CFTR: variants seen among roughly 807,000 people sequenced by gnomAD.
CFTR encodes the protein CF transmembrane conductance regulator, also known as cystic fibrosis transmembrane conductance regulator.
A neutral mutation model predicts 171.6 loss-of-function variants in CFTR; 181 were observed. The observed-to-expected ratio is 1.05, with a 90% confidence interval of 0.93 to 1.19. The LOEUF (loss-of-function observed/expected upper bound fraction) is 1.19, where lower values mean the gene tolerates loss of function less well. Ranked by LOEUF, CFTR falls within the 50% of genes most tolerant of loss-of-function variation. The pLI is 0.00. For missense variants in CFTR, 1,968 were observed against 1,734.7 expected (o/e 1.13, Z -2.39); for synonymous variants, 583 against 608.0 (o/e 0.96, Z 0.60).
chr7:117,622,721 G>T (rs1469992238), intron 21 of CFTR, among the ~76,000 whole-genome samples: 1 of 152,154 alleles, frequency 6.6e-6, no homozygotes, highest in East Asian at 1.9e-4. Context: ...CCAAAAGGAT[G>T]AAAGGAAATA....
chr7:117,602,926 C>A, intron 16 of CFTR, 63 bp downstream of exon 16: 4 of 1,342,816 alleles, frequency 3.0e-6, no homozygotes, highest in Non-Finnish European at 3.2e-6. Context: ...ATATTGTAAT[C>A]CACTATGTTT....
intron 10 of CFTR, among the ~76,000 whole-genome samples, chr7:117,550,629 A>G (rs1370090453): frequency 6.6e-6 from 1 of 152,218 alleles, no homozygotes; most frequent in African/African-American, 2.4e-5. Flanking sequence ...TGTTTCATAG[A>G]ATTTTTAAAA....
intron 26 of CFTR, among the ~76,000 whole-genome samples, chr7:117,665,903 C>T (rs994470959): frequency 6.6e-6 from 1 of 152,204 alleles, no homozygotes; most frequent in Non-Finnish European, 1.5e-5. Flanking sequence ...GTGATTCTTT[C>T]AATAACTAAA....
intron 1 of CFTR, among the ~76,000 whole-genome samples, chr7:117,491,581 T>A (rs1489610608): frequency 6.6e-6 from 1 of 152,028 alleles, no homozygotes; most frequent in Non-Finnish European, 1.5e-5. Flanking sequence ...TTGCTAGAAA[T>A]CCTTGGCATT....
At chr7:117,567,579 T>C (rs1345996611) in intron 11 of CFTR, among the ~76,000 whole-genome samples, 2 of 152,234 alleles carry the variant, frequency 1.3e-5, no homozygotes, top group African/African-American at 4.8e-5. Context: ...TTTCAATAAA[T>C]ATTTGTTGAG....
At chr7:117,605,194 G>A (rs1309779465) in intron 17 of CFTR, among the ~76,000 whole-genome samples, 1 of 151,964 alleles carries the variant, frequency 6.6e-6, no homozygotes, top group Non-Finnish European at 1.5e-5. Flanking sequence ...GTTCATAGTT[G>A]GTTCCAAACC....
chr7:117,567,284 A>G (rs1791617833), intron 11 of CFTR, among the ~76,000 whole-genome samples: 1 of 152,214 alleles, frequency 6.6e-6, no homozygotes. Context: ...TACCTTAGAC[A>G]TAGAAGGAAC....
intron 23 of CFTR, among the ~76,000 whole-genome samples, chr7:117,646,482 G>A (rs752310377): frequency 4.6e-5 from 7 of 152,114 alleles, no homozygotes; most frequent in Admixed American, 3.3e-4. Flanking sequence ...GTACTAAGAT[G>A]AGAACTAGAA....
In CFTR at chr7:117,535,373, T is replaced by G. The variant is rs762380161; in HGVS notation, c.705T>G (p.Leu235=). Residue 235 remains leucine (L), a synonymous_variant, in exon 6 of 27, where the codon CTT becomes CTG. Transcript: ENST00000003084. The part of the protein sequence containing the change: ...CGLGFLIVLA[L]FQAGLGRMMM... ...TTGGTTTCCTGATAGTCCTTGCCCT[T>G]TTTCAGGCTGGGCTAGGGAGAATGA... The G allele has an allele frequency of 6.2e-6, 10 of 1,614,108 alleles. No individual in the cohort carries two copies. The South Asian group carries it at 9.9e-5, about 16-fold the overall frequency.
chr7:117,507,671 T>C (rs892302775), intron 2 of CFTR, among the ~76,000 whole-genome samples: 1 of 152,184 alleles, frequency 6.6e-6, no homozygotes, highest in Non-Finnish European at 1.5e-5. Flanking sequence ...AAAAGGTAAT[T>C]AGGCTTTATA....
intron 11 of CFTR, among the ~76,000 whole-genome samples, chr7:117,585,460 A>T (rs1015349864): frequency 1.4e-4 from 22 of 152,262 alleles, no homozygotes; most frequent in African/African-American, 5.1e-4. Flanking sequence ...GTTGAGTTCA[A>T]ATTTGAAAAA....
rs773569201 is a variant in CFTR, at chr7:117,590,397, T to A, written c.1724T>A (p.Phe575Tyr). The change falls in exon 13 of 27, where the codon TTT becomes TAT. Residue 575 changes from phenylalanine (F) to tyrosine (Y), a missense_variant. Physicochemically the swap from Phe to Tyr is conservative, Grantham distance 22. Transcript: ENST00000003084. Reference sequence around the variant, plus strand: ...GATTTGTATTTATTAGACTCTCCTTTTGGATACCTAGATGTTTTAACAGAA... The same window carrying A: ...GATTTGTATTTATTAGACTCTCCTTATGGATACCTAGATGTTTTAACAGAA... ...DADLYLLDSP[F>Y]GYLDVLTEKE... is the part of the protein sequence containing the mutation. 1.7e-5 allele frequency: 28 copies of A among 1,603,458 alleles called. No homozygotes were observed. Among genetic ancestry groups the A allele is most frequent in the Non-Finnish European group, 2.4e-5 (28 of 1,172,510 alleles).
In CFTR at chr7:117,535,268, C is replaced by T. The variant is rs753492211; in HGVS notation, c.600C>T (p.Phe200=). ...TCCAGGGACTTGCATTGGCACATTT[C>T]GTGTGGATCGCTCCTTTGCAAGTGG... ...KFDEGLALAH[F]VWIAPLQVAL... Residue 200 remains phenylalanine (F), a synonymous_variant, in exon 6 of 27, where the codon TTC becomes TTT. Transcript: ENST00000003084. The T allele has an allele frequency of 3.7e-6, 6 of 1,613,958 alleles. No homozygotes were observed. The highest frequency in any genetic ancestry group is 2.2e-5 in the South Asian group (2 of 91,088).
chr7:117,536,650 A>G lies in CFTR; in HGVS notation c.846A>G (p.Glu282=), dbSNP rs142864834. ...VKAYCWEEAM[E]KMIENLRQTE... ...CATACTGCTGGGAAGAAGCAATGGA[A>G]AAAATGATTGAAAACTTAAGACAGT... The change falls in exon 7 of 27, where the codon GAA becomes GAG. Residue 282 remains glutamate (E), a synonymous_variant. Coordinates refer to ENST00000003084, the MANE Select transcript of CFTR (RefSeq NM_000492.4). The G allele has an allele frequency of 1.2e-6, 2 of 1,611,774 alleles. No individual in the cohort carries two copies. The highest frequency in any genetic ancestry group is 3.3e-5 in the Admixed American group (2 of 59,958).
At chr7:117,654,304 T>A (rs756039876) in intron 24 of CFTR, among the ~76,000 whole-genome samples, 39 of 152,142 alleles carry the variant, frequency 2.6e-4, no homozygotes, top group Non-Finnish European at 4.9e-4. Context: ...GCCCTGTGAC[T>A]CCCTGGGTTC....
At chr7:117,653,422 A>G (rs1455275190) in intron 24 of CFTR, among the ~76,000 whole-genome samples, 2 of 152,154 alleles carry the variant, frequency 1.3e-5, no homozygotes, top group African/African-American at 4.8e-5. Context: ...GTGAGAGCAT[A>G]CTTCCTGGTT....
chr7:117,591,726 T>G (rs528210587), intron 13 of CFTR, among the ~76,000 whole-genome samples: 9 of 152,240 alleles, frequency 5.9e-5, no homozygotes, highest in Non-Finnish European at 1.0e-4. Flanking sequence ...AACATGCAAC[T>G]TTTCAATATA....
intron 17 of CFTR, among the ~76,000 whole-genome samples, chr7:117,604,122 T>C (rs1792269442): frequency 6.6e-6 from 1 of 152,180 alleles, no homozygotes; most frequent in African/African-American, 2.4e-5. Flanking sequence ...ATATATAGTA[T>C]TGCTCAAAAG....
intron 8 of CFTR, 149 bp from the exon 9 acceptor site, chr7:117,541,867 T>G: frequency 2.6e-6 from 1 of 389,134 alleles, no homozygotes; most frequent in East Asian, 4.3e-5. Context: ...TTTAGAACAC[T>G]AATAAAATTA....
Sources: gnomAD v4.1 joint callset for allele counts (sites outside exome capture counted in the v4.1 genomes callset) on GRCh38, gnomAD v4.1.1 for gene constraint, MANE v1.5 for transcripts, NCBI Gene and HGNC (gene_info 2026-07-23, HGNC 2026-07-21) for gene names.